Variants in GPR55 observed in about 807,000 individuals in gnomAD.
GPR55 encodes the protein G-protein coupled receptor 55.
Under a neutral mutation model 7.9 loss-of-function variants are expected in GPR55, and 6 were observed. The observed-to-expected ratio is 0.76, with a 90% CI of 0.41 to 1.49. The LOEUF (loss-of-function observed/expected upper bound fraction) is 1.49. Ranked by LOEUF, GPR55 falls within the 40% of genes most tolerant of loss-of-function variation. The probability of loss-of-function intolerance (pLI) is 0.01; values close to 1 mark genes in which losing one functional copy is unlikely to be tolerated. For synonymous variants in GPR55, 183 were observed against 166.8 expected, an observed-to-expected ratio of 1.10 and a Z score of -0.75; for missense variants, 376 against 406.0, an observed-to-expected ratio of 0.93 and a Z score of 0.63.
Position 230,910,198 on chromosome 2 carries a change from G to A in GPR55, c.765C>T (p.Ser255=), listed in dbSNP as rs775142068. The stretch of plus-strand genomic sequence containing the variant: ...GCTTGGCTCTGCACTCTACGATAAA[G>A]CTGTTTCTCACCAGGAACTGCAGGA... ...GFFLQFLVRN[S]FIVECRAKQS... The change falls in exon 2 of 2, where the codon AGC becomes AGT. Residue 255 remains serine, a synonymous_variant. Transcript: ENST00000650999. The surrounding 1 kb of genome is among the most constrained non-coding windows in gnomAD (Gnocchi z 5.4). 7 of 1,614,000 alleles carry A rather than the reference G, an allele frequency of 4.3e-6. No individual in the cohort carries two copies. The highest frequency in any genetic ancestry group is 4.0e-5 in the African/African-American group (3 of 74,938).
upstream of GPR55, among the ~76,000 whole-genome samples, chr2:230,925,635 G>A (rs4973351): frequency 0.31 from 47,242 of 152,010 alleles, 8,169 homozygotes; most frequent in African/African-American, 0.46. Context: ...AAGGGCCGTC[G>A]TGGCTTCCAG....
At chr2:230,933,542 G>A (rs765311673) in intron 1 of GPR55, among the ~76,000 whole-genome samples, 1 of 152,218 alleles carries the variant, frequency 6.6e-6, no homozygotes, top group Non-Finnish European at 1.5e-5. Context: ...GTGGGTGGCT[G>A]TCCCTCCTCA....
intron 1 of GPR55, among the ~76,000 whole-genome samples, chr2:230,917,164 C>G (rs1352920011): frequency 2.6e-5 from 4 of 152,200 alleles, no homozygotes; most frequent in Admixed American, 2.6e-4. Context: ...TAATCTTATA[C>G]ACCGAATGGT....
intron 1 of GPR55, among the ~76,000 whole-genome samples, chr2:230,917,136 T>C (rs1271873638): frequency 6.6e-6 from 1 of 152,308 alleles, no homozygotes; most frequent in African/African-American, 2.4e-5. Context: ...AAAAACTCAA[T>C]TGCGAGGGCA....
intron 1 of GPR55, among the ~76,000 whole-genome samples, chr2:230,932,991 C>T (rs544040882): frequency 6.6e-6 from 1 of 152,326 alleles, no homozygotes; most frequent in East Asian, 1.9e-4. Flanking sequence ...CAGGATCGTG[C>T]TCTCACGCTG....
At chr2:230,947,085 C>A (rs987639657) in intron 1 of GPR55, among the ~76,000 whole-genome samples, 1 of 152,208 alleles carries the variant, frequency 6.6e-6, no homozygotes, top group Non-Finnish European at 1.5e-5. Flanking sequence ...CACAGACCCA[C>A]GCCTTCCATT....
intron 1 of GPR55, among the ~76,000 whole-genome samples, chr2:230,950,089 A>C (rs1022220797): frequency 6.6e-6 from 1 of 152,162 alleles, no homozygotes; most frequent in Admixed American, 6.5e-5. Flanking sequence ...GGCCTCCCCA[A>C]GTGCTGGGAT....
At chr2:230,930,809 G>A (rs897254787) in intron 1 of GPR55, among the ~76,000 whole-genome samples, 3 of 152,256 alleles carry the variant, frequency 2.0e-5, no homozygotes, top group South Asian at 2.1e-4. Context: ...TAATTGTGTC[G>A]TTCGTCTCCA....
chr2:230,951,924 AAT>A (rs926091942), intron 1 of GPR55, among the ~76,000 whole-genome samples: 2 of 121,512 alleles, frequency 1.6e-5, no homozygotes, highest in African/African-American at 7.3e-5. Flanking sequence ...AGGCCCGGCT[AAT>A]TTTTTTTTTT....
rs115284621 is a variant in GPR55, at chr2:230,943,864, C to T, written c.-135+16911G>A. Among the ~76,000 whole-genome samples the T allele has an allele frequency of 5.1e-3, 771 of 152,364 alleles. 9 individuals carry two copies. Among genetic ancestry groups the T allele is most frequent in the African/African-American group, 0.017 (722 of 41,592 alleles). On this transcript the variant is annotated intron_variant, in intron 1 of 1. Transcript: ENST00000392039. ...TCTGCCAAAATTGCAAGCAAGGTCT[C>T]ATCAGAAGCAGGGCAGATGCCGGCA...
intron 1 of GPR55, among the ~76,000 whole-genome samples, chr2:230,942,794 C>G (rs1691254340): frequency 6.6e-6 from 1 of 151,930 alleles, no homozygotes. Flanking sequence ...ACCCCCCACT[C>G]TCCACCCCCA....
chr2:230,916,217 GA>G (rs1053229361), intron 1 of GPR55, among the ~76,000 whole-genome samples: 8 of 151,206 alleles, frequency 5.3e-5, no homozygotes, highest in East Asian at 1.9e-4. Context: ...CTCCAAAAAA[GA>G]AAAAAAAATT....
At chr2:230,935,721 G>A (rs1213571158) in intron 1 of GPR55, among the ~76,000 whole-genome samples, 1 of 152,228 alleles carries the variant, frequency 6.6e-6, no homozygotes, top group African/African-American at 2.4e-5. Flanking sequence ...CGACACAGGG[G>A]AATGGAGATA....
At chr2:230,933,683 C>T (rs1691089225) in intron 1 of GPR55, among the ~76,000 whole-genome samples, 1 of 152,240 alleles carries the variant, frequency 6.6e-6, no homozygotes, top group Admixed American at 6.5e-5. Context: ...CCTTACAGGG[C>T]TTGCCTCTTA....
chr2:230,911,427 C>T (rs1690589162), intron 1 of GPR55, among the ~76,000 whole-genome samples: 1 of 152,160 alleles, frequency 6.6e-6, no homozygotes, highest in South Asian at 2.1e-4. Context: ...GACTCAGCTC[C>T]TTTTGTCTCC....
chr2:230,957,578 C>T, intron 1 of GPR55: 2 of 412,104 alleles, frequency 4.9e-6, no homozygotes, highest in South Asian at 3.7e-5. Context: ...CGGGTGGAGG[C>T]GGGGAGTCGT....
upstream of GPR55, chr2:230,929,527 A>G (rs1208836865): frequency 5.3e-5 from 8 of 152,226 alleles, no homozygotes; most frequent in Admixed American, 3.9e-4. Context: ...TCAAGGTTAC[A>G]GGAGAAGGTT....
intron 1 of GPR55, among the ~76,000 whole-genome samples, chr2:230,935,979 A>G (rs1431041061): frequency 6.6e-6 from 1 of 152,226 alleles, no homozygotes; most frequent in Admixed American, 6.5e-5. Context: ...CATCAGTATC[A>G]GCATGAGGGA....
upstream of GPR55, among the ~76,000 whole-genome samples, chr2:230,925,444 C>G (rs1416630940): frequency 2.0e-5 from 3 of 152,058 alleles, no homozygotes; most frequent in African/African-American, 7.3e-5. Flanking sequence ...CTCTCCCGCC[C>G]TCTTGGAAGA....
Sources: gnomAD v4.1 joint callset for allele counts (sites outside exome capture counted in the v4.1 genomes callset) on GRCh38, gnomAD v4.1.1 for gene constraint, Gnocchi (gnomAD v3.1) non-coding constraint, MANE v1.5 for transcripts, NCBI Gene and HGNC (gene_info 2026-07-23, HGNC 2026-07-21) for gene names.